Variants in ABLIM1 observed in about 807,000 individuals in gnomAD.
The protein encoded by ABLIM1 is actin-binding LIM protein 1.
In ABLIM1, 40 loss-of-function variants were observed where a neutral mutation model predicts 107.0. The observed-to-expected ratio is 0.37, with a 90% confidence interval of 0.29 to 0.49. The LOEUF is 0.49. Among genes scored for constraint, ABLIM1 ranks in the 20% least tolerant of loss-of-function variants. The pLI, the probability that ABLIM1 is intolerant of heterozygous loss-of-function variation, is 0.97. For missense variants in ABLIM1, 857 were observed against 1,008.5 expected, an observed-to-expected ratio of 0.85 and a Z score of 2.04; for synonymous variants, 357 against 357.3, an observed-to-expected ratio of 1.00 and a Z score of 0.01.
chr10:114,789,379 C>T, the ABLIM1 span, among the ~76,000 whole-genome samples: 1 of 152,336 alleles, frequency 6.6e-6, no homozygotes, highest in South Asian at 2.1e-4. Flanking sequence ...TCTTAATAGG[C>T]ATGTACGACC....
chr10:114,552,137 C>G (rs2068138390), intron 4 of ABLIM1, among the ~76,000 whole-genome samples: 1 of 152,226 alleles, frequency 6.6e-6, no homozygotes, highest in Non-Finnish European at 1.5e-5. Flanking sequence ...AGCCTACCCA[C>G]TCCTGTCTGG....
chr10:114,696,353 C>A (rs2081193041), intron 1 of ABLIM1, among the ~76,000 whole-genome samples: 1 of 152,226 alleles, frequency 6.6e-6, no homozygotes, highest in African/African-American at 2.4e-5. Flanking sequence ...TTCTTGCTTG[C>A]AGATGACAGC....
chr10:114,567,986 C>A (rs1018495658), intron 4 of ABLIM1, among the ~76,000 whole-genome samples: 2 of 151,232 alleles, frequency 1.3e-5, no homozygotes, highest in East Asian at 1.9e-4. Flanking sequence ...GTCAGGAGAT[C>A]GAGACCATCC....
At chr10:114,607,698 C>T (rs2076521147) in intron 1 of ABLIM1, among the ~76,000 whole-genome samples, 1 of 152,046 alleles carries the variant, frequency 6.6e-6, no homozygotes, top group African/African-American at 2.4e-5. Flanking sequence ...AGAAAAATCC[C>T]AAATGGAGGG....
chr10:114,631,800 G>T lies in ABLIM1; in HGVS notation c.244+26157C>A, dbSNP rs544592168. 595 of 1,215,670 alleles carry T rather than the reference G, an allele frequency of 4.9e-4. 1 individual carries two copies. The highest frequency in any genetic ancestry group is 1.1e-3 in the Middle Eastern group (5 of 4,414). 75.3% of individuals were successfully genotyped at this position (1,215,670 alleles called of 1,614,324 possible). Reference sequence around the variant, plus strand: ...ACGGAGCTTCTCACACCGAGAACATGTCCGCCCGGCTTTCGATTGATCATT... The same window carrying T: ...ACGGAGCTTCTCACACCGAGAACATTTCCGCCCGGCTTTCGATTGATCATT... On this transcript the variant is annotated intron_variant, in intron 1 of 22. Coordinates refer to ENST00000533213, the MANE Select transcript of ABLIM1 (RefSeq NM_002313.7).
At chr10:114,626,331 C>T (rs1382364075) in intron 1 of ABLIM1, among the ~76,000 whole-genome samples, 1 of 152,204 alleles carries the variant, frequency 6.6e-6, no homozygotes, top group Non-Finnish European at 1.5e-5. Context: ...CTGTTGATGC[C>T]TAACATCTGA....
intron 1 of ABLIM1, among the ~76,000 whole-genome samples, chr10:114,649,408 TAAATAAATAAA>T (rs1380776006): frequency 4.5e-5 from 1 of 22,284 alleles, no homozygotes; most frequent in Non-Finnish European, 1.2e-4. Context: ...TCAAAATAAA[TAAATAAATAAA>T]TAAATAAATA....
chr10:114,598,188 C>T (rs1045294314), intron 2 of ABLIM1, among the ~76,000 whole-genome samples: 4 of 149,062 alleles, frequency 2.7e-5, no homozygotes, highest in South Asian at 2.1e-4. Context: ...ATAGGAGAAT[C>T]GCTTGAACCC....
upstream of ABLIM1, among the ~76,000 whole-genome samples, chr10:114,661,609 T>C (rs1253983175): frequency 6.6e-6 from 1 of 152,006 alleles, no homozygotes; most frequent in Non-Finnish European, 1.5e-5. Context: ...CACAAAGGAG[T>C]GCAGTGGGTT....
chr10:114,471,846 T>C (rs1590092337), intron 10 of ABLIM1, among the ~76,000 whole-genome samples: 2 of 152,202 alleles, frequency 1.3e-5, no homozygotes, highest in East Asian at 3.8e-4. Context: ...ATTTGTCAGC[T>C]ATTTGTTAAC....
intron 8 of ABLIM1, among the ~76,000 whole-genome samples, chr10:114,475,946 T>C (rs959230349): frequency 1.3e-5 from 2 of 152,236 alleles, no homozygotes; most frequent in Non-Finnish European, 2.9e-5. Flanking sequence ...GTAGTTTCTA[T>C]TGGTGTTTAA....
chr10:114,643,403 C>A (rs553422612), intron 1 of ABLIM1, among the ~76,000 whole-genome samples: 16 of 152,286 alleles, frequency 1.1e-4, no homozygotes, highest in Admixed American at 8.5e-4. Flanking sequence ...TCACATCACA[C>A]AATCACTTCA....
chr10:114,627,796 C>A (rs1437046515), intron 1 of ABLIM1, among the ~76,000 whole-genome samples: 4 of 152,150 alleles, frequency 2.6e-5, no homozygotes, highest in African/African-American at 7.2e-5. Context: ...CAAGGAGGAG[C>A]TGTGGTGGTC....
chr10:114,733,168 A>G (rs1390702461), intron 1 of ABLIM1, among the ~76,000 whole-genome samples: 1 of 152,178 alleles, frequency 6.6e-6, no homozygotes, highest in Non-Finnish European at 1.5e-5. Flanking sequence ...TTGGTAAGTT[A>G]GAAAGATTGG....
chr10:114,492,010 T>G, intron 6 of ABLIM1, 132 bp from the exon 7 acceptor site: 1 of 684,196 alleles, frequency 1.5e-6, no homozygotes, highest in Non-Finnish European at 2.3e-6. Flanking sequence ...TTGACCAAAC[T>G]TCCTACACCA....
chr10:114,704,427 A>G (rs942989768), intron 1 of ABLIM1, among the ~76,000 whole-genome samples: 4 of 151,062 alleles, frequency 2.6e-5, no homozygotes, highest in Non-Finnish European at 5.9e-5. Flanking sequence ...CAGTGGTCTC[A>G]GTAGAACATT....
chr10:114,598,189 G>A (rs768050672), intron 2 of ABLIM1, among the ~76,000 whole-genome samples: 3 of 142,168 alleles, frequency 2.1e-5, no homozygotes, highest in Middle Eastern at 4.1e-3. Flanking sequence ...TAGGAGAATC[G>A]CTTGAACCCG....
intron 6 of ABLIM1, among the ~76,000 whole-genome samples, chr10:114,499,986 A>T (rs2060182064): frequency 6.6e-6 from 1 of 152,232 alleles, no homozygotes; most frequent in African/African-American, 2.4e-5. Context: ...ATGAACAGGC[A>T]GGATAATGAG....
At chr10:114,571,145 C>A in intron 4 of ABLIM1, 152 bp downstream of exon 4, 1 of 664,338 alleles carries the variant, frequency 1.5e-6, no homozygotes, top group Non-Finnish European at 2.6e-6. Context: ...TACCTGTTGG[C>A]CATTTTAATG....
Sources: allele counts gnomAD v4.1 joint callset (sites outside exome capture counted in the v4.1 genomes callset), GRCh38; gene constraint gnomAD v4.1.1; transcripts MANE v1.5; gene names NCBI Gene and HGNC (gene_info 2026-07-23, HGNC 2026-07-21).